ANKFN1: variants seen among roughly 807,000 people sequenced by gnomAD.
The protein encoded by ANKFN1 is ankyrin repeat and fibronectin type-III domain-containing protein 1.
In ANKFN1, 74 loss-of-function variants were observed where a neutral mutation model predicts 108.7. The ratio of observed to expected loss-of-function variants is 0.68; its 90% CI spans 0.56 to 0.83. The LOEUF (loss-of-function observed/expected upper bound fraction) is 0.83, where lower values mean the gene tolerates loss of function less well. Among genes scored for constraint, ANKFN1 ranks in the 40% least tolerant of loss-of-function variants. The pLI is 0.00. For missense variants in ANKFN1, 1,505 were observed against 1,382.3 expected, an observed-to-expected ratio of 1.09 and a Z score of -1.41; for synonymous variants, 547 against 516.2, an observed-to-expected ratio of 1.06 and a Z score of -0.81.
At chr17:56,491,682 AGTTTT>A (rs1877497119) in intron 18 of ANKFN1, among the ~76,000 whole-genome samples, 1 of 152,128 alleles carries the variant, frequency 6.6e-6, no homozygotes, top group African/African-American at 2.4e-5. Context: ...CCCTTGGGGA[AGTTTT>A]GTAGTCAGAC....
At chr17:56,177,438 T>G (rs1567819377) in intron 1 of ANKFN1, among the ~76,000 whole-genome samples, 1 of 152,220 alleles carries the variant, frequency 6.6e-6, no homozygotes, top group Non-Finnish European at 1.5e-5. Flanking sequence ...AATAGGCCTC[T>G]CAGAAGCAAG....
In ANKFN1 at chr17:56,450,620, T is replaced by C. The variant is rs1487858839; in HGVS notation, c.1207+1434T>C. Among the ~76,000 whole-genome samples, 6 of 152,304 alleles carry C rather than the reference T, an allele frequency of 3.9e-5. No individual in the cohort carries two copies. In the East Asian group the frequency reaches 1.2e-3, roughly 29 times the overall value. On this transcript the variant is annotated intron_variant, in intron 11 of 20. Coordinates refer to ENST00000682825, the MANE Select transcript of ANKFN1 (RefSeq NM_001370326.1). ...CAGTTCTCGGTTATTGAGGGCTCATTTAACCAGGCCAGTTGTTACCAAAGC... is the reference window on the plus strand; with the variant it reads ...CAGTTCTCGGTTATTGAGGGCTCATCTAACCAGGCCAGTTGTTACCAAAGC...
At chr17:56,266,070 T>C (rs1238946114) in intron 3 of ANKFN1, among the ~76,000 whole-genome samples, 5 of 152,190 alleles carry the variant, frequency 3.3e-5, no homozygotes, top group Admixed American at 6.5e-5. Context: ...AAGCTGTAAA[T>C]GATAAAATTT....
At chr17:56,495,270 G>A (rs964770168) in intron 19 of ANKFN1, among the ~76,000 whole-genome samples, 1 of 151,998 alleles carries the variant, frequency 6.6e-6, no homozygotes, top group Admixed American at 6.6e-5. Flanking sequence ...TTCACTGAGT[G>A]GAGACAATTC....
At chr17:56,074,304 G>A (rs1423948957) in intron 4 of ANKFN1, among the ~76,000 whole-genome samples, 1 of 152,130 alleles carries the variant, frequency 6.6e-6, no homozygotes, top group East Asian at 1.9e-4. Context: ...AACCTGCAGG[G>A]GCACCCACGG....
At chr17:56,351,524 T>C (rs2046248817) in intron 5 of ANKFN1, among the ~76,000 whole-genome samples, 1 of 152,054 alleles carries the variant, frequency 6.6e-6, no homozygotes, top group South Asian at 2.1e-4. Flanking sequence ...TAGGCAAATA[T>C]AGTACCTGTA....
At chr17:56,143,424 A>G (rs1033575769) in intron 4 of ANKFN1, among the ~76,000 whole-genome samples, 1 of 152,092 alleles carries the variant, frequency 6.6e-6, no homozygotes, top group Non-Finnish European at 1.5e-5. Context: ...AACTCCCCTT[A>G]TGAGCCACCT....
chr17:56,133,133 T>C (rs944197802), intron 4 of ANKFN1, among the ~76,000 whole-genome samples: 1 of 152,182 alleles, frequency 6.6e-6, no homozygotes, highest in Non-Finnish European at 1.5e-5. Flanking sequence ...TTACATTTGC[T>C]GGGGGAAGTC....
chr17:56,164,283 GCCAGAT>G (rs1909949684), intron 1 of ANKFN1, among the ~76,000 whole-genome samples: 1 of 152,132 alleles, frequency 6.6e-6, no homozygotes, highest in Non-Finnish European at 1.5e-5. Context: ...CAGCCTAGAT[GCCAGAT>G]CCTCTGGGAA....
intron 5 of ANKFN1, 144 bp from the exon 6 acceptor site, chr17:56,353,692 T>C (rs1463786391): frequency 1.4e-6 from 1 of 695,174 alleles, no homozygotes; most frequent in African/African-American, 1.8e-5. Context: ...AGTGTTTACT[T>C]TGGAGACCTT....
chr17:56,099,106 T>C (rs762746905), intron 4 of ANKFN1, among the ~76,000 whole-genome samples: 13 of 152,154 alleles, frequency 8.5e-5, no homozygotes, highest in Non-Finnish European at 1.6e-4. Context: ...TGACATGCTA[T>C]TTTTCTGTGC....
chr17:56,105,891 T>C (rs8077153), intron 4 of ANKFN1, among the ~76,000 whole-genome samples: 24,208 of 151,866 alleles, frequency 0.16, 2,106 homozygotes, highest in East Asian at 0.28. Context: ...AGGATAGTGG[T>C]GGTGTTACTG....
At chr17:56,078,487 C>A (rs375270529) in intron 4 of ANKFN1, among the ~76,000 whole-genome samples, 2 of 152,278 alleles carry the variant, frequency 1.3e-5, no homozygotes, top group Admixed American at 1.3e-4. Context: ...ATCCACATAC[C>A]TTTGTTAGCT....
chr17:56,426,314 T>G (rs1421690570), intron 8 of ANKFN1, among the ~76,000 whole-genome samples: 1 of 152,240 alleles, frequency 6.6e-6, no homozygotes, highest in African/African-American at 2.4e-5. Context: ...TATTTCCAAA[T>G]AGCAGTCTTG....
chr17:56,500,501 G>C (rs1486717141), intron 20 of ANKFN1, among the ~76,000 whole-genome samples: 1 of 152,182 alleles, frequency 6.6e-6, no homozygotes, highest in East Asian at 1.9e-4. Context: ...GCTAATAAGA[G>C]AAACAGATAT....
In ANKFN1 at chr17:56,164,291, C is replaced by T. The variant is rs141407639; in HGVS notation, c.-71+10761C>T. On this transcript the variant is annotated intron_variant, in intron 1 of 20. Transcript: ENST00000682825. ...TACATTTCAGCCTAGATGCCAGATC[C>T]TCTGGGAATACTCTGCCCATCTCCC... Among the ~76,000 whole-genome samples, 219 of 152,292 alleles carry T rather than the reference C, an allele frequency of 1.4e-3. 3 individuals are homozygous for T. The highest frequency in any genetic ancestry group is 5.2e-3 in the African/African-American group (216 of 41,552).
chr17:56,238,603 C>A (rs1325717096), intron 3 of ANKFN1, among the ~76,000 whole-genome samples: 1 of 151,954 alleles, frequency 6.6e-6, no homozygotes, highest in East Asian at 1.9e-4. Context: ...GGGTAGCAAC[C>A]CCTGCTTTTT....
intron 3 of ANKFN1, among the ~76,000 whole-genome samples, chr17:56,282,292 TTG>T (rs112336440): frequency 2.1e-3 from 316 of 147,302 alleles, no homozygotes; most frequent in African/African-American, 5.2e-3. Context: ...GTGTGTGTGT[TTG>T]TGTGTGTGTG....
At chr17:56,452,635 A>G (rs1210280704) in intron 11 of ANKFN1, among the ~76,000 whole-genome samples, 1 of 152,230 alleles carries the variant, frequency 6.6e-6, no homozygotes, top group East Asian at 1.9e-4. Context: ...AGAGGTGGTC[A>G]CATGGCCCCA....
Sources: gnomAD v4.1 joint callset for allele counts (sites outside exome capture counted in the v4.1 genomes callset) on GRCh38, gnomAD v4.1.1 for gene constraint, MANE v1.5 for transcripts, NCBI Gene and HGNC (gene_info 2026-07-23, HGNC 2026-07-21) for gene names.